The following CUBN variants were observed in gnomAD, a reference collection of about 807,000 sequenced individuals.
CUBN encodes cubilin.
A neutral mutation model predicts 405.3 loss-of-function variants in CUBN; 282 were observed. The ratio of observed to expected loss-of-function variants is 0.70; its 90% CI spans 0.63 to 0.77. The LOEUF is 0.77. CUBN is among the 30% of genes least tolerant of loss of function. CUBN has a pLI of 0.00. For missense variants in CUBN, 4,514 were observed against 4,475.2 expected, an observed-to-expected ratio of 1.01 and a Z score of -0.25; for synonymous variants, 1,684 against 1,617.0, an observed-to-expected ratio of 1.04 and a Z score of -0.99.
intron 36 of CUBN, among the ~76,000 whole-genome samples, chr10:16,944,550 G>A (rs1361407599): frequency 6.6e-6 from 1 of 152,152 alleles, no homozygotes; most frequent in Admixed American, 6.5e-5. Context: ...CATCCATCTG[G>A]ATAGAATTTA....
At chr10:17,026,809 C>A (rs1012479502) in intron 27 of CUBN, among the ~76,000 whole-genome samples, 1 of 152,156 alleles carries the variant, frequency 6.6e-6, no homozygotes, top group Non-Finnish European at 1.5e-5. Flanking sequence ...TCCAAGATGG[C>A]CCTTGGGAGG....
chr10:17,056,476 G>T (rs1835398841), intron 22 of CUBN, among the ~76,000 whole-genome samples: 2 of 152,026 alleles, frequency 1.3e-5, no homozygotes, highest in Non-Finnish European at 2.9e-5. Flanking sequence ...GGGCATGGTG[G>T]CGGGCGCCTG....
intron 17 of CUBN, among the ~76,000 whole-genome samples, chr10:17,076,563 C>T (rs1477613002): frequency 6.6e-6 from 1 of 151,698 alleles, no homozygotes; most frequent in African/African-American, 2.4e-5. Context: ...TTATTCACTT[C>T]CCTTCCTGTA....
intron 40 of CUBN, among the ~76,000 whole-genome samples, chr10:16,932,345 A>G (rs1281571732): frequency 6.6e-6 from 1 of 152,214 alleles, no homozygotes; most frequent in African/African-American, 2.4e-5. Context: ...TGGGGGCCAC[A>G]CTGAGAAATA....
intron 7 of CUBN, among the ~76,000 whole-genome samples, chr10:17,115,010 G>C (rs1441162767): frequency 6.6e-6 from 1 of 152,180 alleles, no homozygotes; most frequent in Non-Finnish European, 1.5e-5. Context: ...TTGCGGGGCT[G>C]AGGCGGGTGG....
chr10:17,076,482 CAAAAAAA>C (rs79168650), intron 17 of CUBN, among the ~76,000 whole-genome samples: 1 of 137,744 alleles, frequency 7.3e-6, no homozygotes, highest in Non-Finnish European at 1.6e-5. Flanking sequence ...GCACCCCCAC[CAAAAAAA>C]AAAAAAAAAA....
intron 28 of CUBN, among the ~76,000 whole-genome samples, chr10:17,017,764 T>G (rs1834373287): frequency 2.0e-5 from 3 of 152,122 alleles, no homozygotes; most frequent in Admixed American, 2.0e-4. Flanking sequence ...GAGTTTATAT[T>G]AGAAATCATT....
intron 66 of CUBN, among the ~76,000 whole-genome samples, chr10:16,827,050 C>T (rs1016132714): frequency 1.5e-4 from 23 of 152,180 alleles, no homozygotes; most frequent in African/African-American, 2.9e-4. Flanking sequence ...TGTGCATCCC[C>T]GTGATACAGT....
intron 59 of CUBN, among the ~76,000 whole-genome samples, chr10:16,863,237 G>A (rs1441743511): frequency 6.6e-6 from 1 of 152,226 alleles, no homozygotes; most frequent in Non-Finnish European, 1.5e-5. Context: ...CCCAAGGGAA[G>A]TCTAATCACC....
chr10:16,944,158 G>A (rs541216604), intron 36 of CUBN, among the ~76,000 whole-genome samples: 66 of 152,082 alleles, frequency 4.3e-4, no homozygotes, highest in Non-Finnish European at 5.6e-4. Flanking sequence ...CCACCAAACC[G>A]CAGGGGTGAA....
In CUBN at chr10:16,867,037, T is replaced by C. The variant is rs558374070; in HGVS notation, c.9454+2599A>G. On this transcript the variant is annotated intron_variant, in intron 59 of 66. Transcript: ENST00000377833. Reference sequence around the variant, plus strand: ...AATTGAAGCAGATGTACATAAAACATTGCCAAGTGTATAATCTAAATAGCA... The same window carrying C: ...AATTGAAGCAGATGTACATAAAACACTGCCAAGTGTATAATCTAAATAGCA... Among the ~76,000 whole-genome samples, 4 of 152,292 alleles carry C rather than the reference T, an allele frequency of 2.6e-5. No individual in the cohort carries two copies. The East Asian group carries it at 7.7e-4, about 29-fold the overall frequency.
intron 28 of CUBN, among the ~76,000 whole-genome samples, chr10:17,004,016 G>A (rs1020971672): frequency 1.3e-5 from 2 of 152,142 alleles, no homozygotes; most frequent in African/African-American, 4.8e-5. Context: ...GGAGGTCTAC[G>A]AAGCCTCATA....
At chr10:16,867,099 C>T (rs537322998) in intron 59 of CUBN, among the ~76,000 whole-genome samples, 57 of 152,244 alleles carry the variant, frequency 3.7e-4, no homozygotes, top group African/African-American at 1.3e-3. Context: ...TAGTTAAGAT[C>T]GAAACGGAAA....
chr10:16,884,974 A>G lies in CUBN; in HGVS notation c.8905+3443T>C, dbSNP rs544093338. Among the ~76,000 whole-genome samples, 152 of 152,326 alleles carry G rather than the reference A, an allele frequency of 1.0e-3. 1 individual carries two copies. The highest frequency in any genetic ancestry group is 1.4e-3 in the Non-Finnish European group (92 of 68,020). On this transcript the variant is annotated intron_variant, in intron 56 of 66. Transcript: ENST00000377833. The stretch of plus-strand genomic sequence containing the variant: ...AGAAACAGTTCCAAGTGCCTATAGC[A>G]GCTAGAAAGGCCAAGGCTCCCTCAA...
At chr10:17,021,959 C>G (rs1051648913) in intron 27 of CUBN, among the ~76,000 whole-genome samples, 4 of 152,142 alleles carry the variant, frequency 2.6e-5, no homozygotes, top group African/African-American at 9.7e-5. Flanking sequence ...AGGCAGGTTC[C>G]CCATGCATCT....
intron 59 of CUBN, 82 bp downstream of exon 59, chr10:16,869,554 G>A (rs1326392165): frequency 1.0e-6 from 1 of 998,412 alleles, no homozygotes; most frequent in Admixed American, 1.7e-5. Context: ...AATCAGGTGG[G>A]GGTGGGGGGG....
Position 16,877,111 on chromosome 10 carries a change from G to A in CUBN, c.8906-14C>T, listed in dbSNP as rs1325108083. 4 of 1,608,890 alleles carry A rather than the reference G, an allele frequency of 2.5e-6. No homozygotes were observed. The East Asian group carries it at 6.7e-5, about 27-fold the overall frequency. ...CAGCGGAACGAGCTGGAAAAGGCAT[G>A]GAACAACCGCATTATGATCAGAACC... On this transcript the variant is annotated splice_polypyrimidine_tract_variant and intron_variant, in intron 56 of 66. Coordinates refer to ENST00000377833, the MANE Select transcript of CUBN (RefSeq NM_001081.4).
intron 38 of CUBN, 76 bp from the exon 39 acceptor site, chr10:16,937,860 C>G: frequency 7.5e-7 from 1 of 1,339,772 alleles, no homozygotes; most frequent in Non-Finnish European, 1.0e-6. Context: ...AAAAAAGATG[C>G]CTTATATTAT....
At position 16,873,989 on chromosome 10, in the gene CUBN, C is replaced by T. The variant is rs143286539; in HGVS notation, c.9236+385G>A. 1.9e-3 allele frequency among the ~76,000 whole-genome samples: 283 copies of T among 152,258 alleles called. 15 individuals carry two copies. The East Asian group carries it at 0.047, about 25-fold the overall frequency. ...AGAATACAATGAGACAATTACGGCA[C>T]GTGTGAATCAAAGTTCTTTGTGTAT... On this transcript the variant is annotated intron_variant, in intron 58 of 66. Coordinates refer to ENST00000377833, the MANE Select transcript of CUBN (RefSeq NM_001081.4).
Sources: gnomAD v4.1 joint callset for allele counts (sites outside exome capture counted in the v4.1 genomes callset) on GRCh38, gnomAD v4.1.1 for gene constraint, MANE v1.5 for transcripts, NCBI Gene and HGNC (gene_info 2026-07-23, HGNC 2026-07-21) for gene names.